The following PARD3B variants were observed in gnomAD, a reference collection of about 807,000 sequenced individuals.
PARD3B encodes partitioning defective 3 homolog B.
PARD3B carries 103 observed loss-of-function variants against 130.2 expected under a neutral mutation model. The ratio of observed to expected loss-of-function variants is 0.79; its 90% CI spans 0.67 to 0.93. The LOEUF is 0.93. Among genes scored for constraint, PARD3B ranks in the 40% least tolerant of loss-of-function variants. The pLI is 0.00. For missense variants in PARD3B, 1,609 were observed against 1,499.2 expected, an observed-to-expected ratio of 1.07 and a Z score of -1.21; for synonymous variants, 583 against 553.2, an observed-to-expected ratio of 1.05 and a Z score of -0.76.
intron 4 of PARD3B, among the ~76,000 whole-genome samples, chr2:205,071,296 C>A (rs1700714896): frequency 6.6e-6 from 1 of 152,134 alleles, no homozygotes; most frequent in South Asian, 2.1e-4. Flanking sequence ...TCACTATATA[C>A]CTTCATTGCC....
intron 2 of PARD3B, among the ~76,000 whole-genome samples, chr2:204,797,527 C>G (rs2125491824): frequency 6.6e-6 from 1 of 152,202 alleles, no homozygotes; most frequent in South Asian, 2.1e-4. Flanking sequence ...TATTAAAGTG[C>G]ATATTGCACC....
At chr2:205,338,265 T>G (rs1297149254) in intron 18 of PARD3B, among the ~76,000 whole-genome samples, 6 of 151,724 alleles carry the variant, frequency 4.0e-5, no homozygotes, top group African/African-American at 1.5e-4. Context: ...TGTTGTACAG[T>G]TTATGTCTTG....
intron 1 of PARD3B, among the ~76,000 whole-genome samples, chr2:204,580,657 A>G (rs1221832985): frequency 6.6e-6 from 1 of 152,118 alleles, no homozygotes; most frequent in African/African-American, 2.4e-5. Context: ...CCTAGGTGTC[A>G]TTTTGGAGTC....
intron 2 of PARD3B, among the ~76,000 whole-genome samples, chr2:204,762,937 TG>T (rs1192160567): frequency 2.6e-5 from 4 of 152,108 alleles, no homozygotes; most frequent in Non-Finnish European, 5.9e-5. Context: ...ATTTTGTATT[TG>T]TAGTAGAGAC....
At chr2:205,168,197 T>TG (rs35704467) in intron 11 of PARD3B, among the ~76,000 whole-genome samples, 1 of 151,822 alleles carries the variant, frequency 6.6e-6, no homozygotes, top group Non-Finnish European at 1.5e-5. Context: ...GAGTTGGTTA[T>TG]GGGGGGATGC....
Position 204,701,381 on chromosome 2 carries a change from A to G in PARD3B, c.222+15099A>G, listed in dbSNP as rs72932103. 6.5e-3 allele frequency among the ~76,000 whole-genome samples: 995 copies of G among 152,224 alleles called. 7 individuals carry two copies. The highest frequency in any genetic ancestry group is 0.02 in the Middle Eastern group (6 of 294). ...TCTAGAGAACTAAGTAAATGTCTAT[A>G]CTCATGGGACTTATTGGGCTGGTTG... On this transcript the variant is annotated intron_variant, in intron 2 of 22. Coordinates refer to ENST00000406610, the MANE Select transcript of PARD3B (RefSeq NM_001302769.2).
At chr2:205,093,157 C>T (rs929909151) in intron 4 of PARD3B, among the ~76,000 whole-genome samples, 11 of 152,154 alleles carry the variant, frequency 7.2e-5, no homozygotes, top group Non-Finnish European at 1.6e-4. Context: ...CAGCACAATA[C>T]TCTGCACATG....
rs79635965 is a variant in PARD3B at position 204,696,450 on chromosome 2, A to C, written c.222+10168A>C. Among the ~76,000 whole-genome samples, 1,005 of 152,148 alleles carry C rather than the reference A, an allele frequency of 6.6e-3. 2 individuals are homozygous for C. The highest frequency in any genetic ancestry group is 0.016 in the South Asian group (75 of 4,826). ...CTTAATTTACTATGCTGGTTCTCCT[A>C]TTTCCAGGACCTAAACTCACTTTAT... On this transcript the variant is annotated intron_variant, in intron 2 of 22. Coordinates refer to ENST00000406610, the MANE Select transcript of PARD3B (RefSeq NM_001302769.2).
chr2:204,870,775 A>G (rs888943580), intron 2 of PARD3B, among the ~76,000 whole-genome samples: 12 of 152,136 alleles, frequency 7.9e-5, no homozygotes, highest in African/African-American at 1.7e-4. Flanking sequence ...GGTGCACATA[A>G]TGTTTCCTTT....
intron 18 of PARD3B, among the ~76,000 whole-genome samples, chr2:205,389,502 A>G (rs1323283311): frequency 6.6e-6 from 1 of 152,156 alleles, no homozygotes; most frequent in Non-Finnish European, 1.5e-5. Context: ...AGCTGGGATT[A>G]CAGGCACATG....
chr2:204,898,592 G>A (rs1181820525), intron 2 of PARD3B, among the ~76,000 whole-genome samples: 1 of 152,058 alleles, frequency 6.6e-6, no homozygotes, highest in South Asian at 2.1e-4. Context: ...AGTGTGTATT[G>A]TGCAGACATT....
At chr2:205,328,606 C>G (rs927620616) in intron 18 of PARD3B, among the ~76,000 whole-genome samples, 2 of 152,088 alleles carry the variant, frequency 1.3e-5, no homozygotes, top group African/African-American at 4.8e-5. Flanking sequence ...TTAGAAATTT[C>G]ATGATTTGGA....
At chr2:204,559,382 A>G (rs140760708) in intron 1 of PARD3B, among the ~76,000 whole-genome samples, 60 of 152,346 alleles carry the variant, frequency 3.9e-4, no homozygotes, top group African/African-American at 1.4e-3. Flanking sequence ...GGCAAAGGTT[A>G]TGAACAGACA....
chr2:204,940,127 C>T (rs1688790423), intron 2 of PARD3B, among the ~76,000 whole-genome samples: 1 of 152,148 alleles, frequency 6.6e-6, no homozygotes, highest in Admixed American at 6.5e-5. Context: ...TTAATTCATA[C>T]CATAGTGTCT....
rs766025482 is a variant in PARD3B at position 205,248,113 on chromosome 2, A to AT, written c.2185+2299dup. 7.3e-4 allele frequency among the ~76,000 whole-genome samples: 111 copies of AT among 151,124 alleles called. 1 individual carries two copies. The East Asian group carries it at 0.013, about 17-fold the overall frequency. On this transcript the variant is annotated intron_variant, in intron 16 of 22. Coordinates refer to ENST00000406610, the MANE Select transcript of PARD3B (RefSeq NM_001302769.2). ...CCAGCTAACTTTTATTTTTATTTTT[A>AT]TTTTTTTTGTAGAAATGGGATTTTG...
At chr2:205,049,584 G>C (rs762046878) in intron 4 of PARD3B, among the ~76,000 whole-genome samples, 1 of 152,130 alleles carries the variant, frequency 6.6e-6, no homozygotes, top group Non-Finnish European at 1.5e-5. Flanking sequence ...CTTAGGCTCT[G>C]GGCTTAAACC....
intron 2 of PARD3B, among the ~76,000 whole-genome samples, chr2:204,728,614 T>C (rs1462293815): frequency 4.2e-3 from 1 of 240 alleles, no homozygotes. Context: ...CTCACTTGAT[T>C]TTTTTCCTTT....
chr2:204,562,312 G>A (rs1350290982), intron 1 of PARD3B, among the ~76,000 whole-genome samples: 3 of 152,124 alleles, frequency 2.0e-5, no homozygotes, highest in South Asian at 2.1e-4. Context: ...TCCTCACAGC[G>A]CTAAGATCTG....
At chr2:204,645,584 C>A (rs1274589820) in intron 1 of PARD3B, among the ~76,000 whole-genome samples, 3 of 152,090 alleles carry the variant, frequency 2.0e-5, no homozygotes, top group Non-Finnish European at 2.9e-5. Context: ...TGTTACTGTT[C>A]ATCAGCCTGT....
Sources: allele counts gnomAD v4.1 joint callset (sites outside exome capture counted in the v4.1 genomes callset), GRCh38; gene constraint gnomAD v4.1.1; transcripts MANE v1.5; gene names NCBI Gene and HGNC (gene_info 2026-07-23, HGNC 2026-07-21).